Variants in CASS4 observed in about 807,000 individuals in gnomAD.
The protein encoded by CASS4 is Cas scaffold protein family member 4.
CASS4 carries 22 observed loss-of-function variants against 54.2 expected under a neutral mutation model. The ratio of observed to expected loss-of-function variants is 0.41; its 90% CI spans 0.29 to 0.58. CASS4 has a LOEUF of 0.58. Ranked by LOEUF, CASS4 falls within the 20% of genes least tolerant of loss-of-function variation. CASS4 has a pLI of 0.36. For missense variants in CASS4, 854 were observed against 986.7 expected, an observed-to-expected ratio of 0.87 and a Z score of 1.80; for synonymous variants, 409 against 391.5, an observed-to-expected ratio of 1.04 and a Z score of -0.53.
At chr20:56,457,875 C>T (rs1981372920) in intron 5 of CASS4, among the ~76,000 whole-genome samples, 1 of 151,904 alleles carries the variant, frequency 6.6e-6, no homozygotes, top group Non-Finnish European at 1.5e-5. Flanking sequence ...ATTAATTGGG[C>T]ATGGTGGCAG....
chr20:56,444,310 C>A (rs1199839210), intron 2 of CASS4, among the ~76,000 whole-genome samples: 1 of 152,120 alleles, frequency 6.6e-6, no homozygotes, highest in Admixed American at 6.5e-5. Context: ...CATATTGAAA[C>A]CCTAACATCC....
intron 1 of CASS4, among the ~76,000 whole-genome samples, chr20:56,435,810 G>T (rs1023159077): frequency 4.6e-5 from 7 of 152,090 alleles, no homozygotes; most frequent in African/African-American, 1.4e-4. Flanking sequence ...GAGTGCAGTG[G>T]CATGATCTCG....
At chr20:56,422,113 C>T (rs999069085) in intron 1 of CASS4, among the ~76,000 whole-genome samples, 1 of 152,186 alleles carries the variant, frequency 6.6e-6, no homozygotes, top group African/African-American at 2.4e-5. Flanking sequence ...AATTGTCAGC[C>T]CCTTGACTTG....
chr20:56,432,902 G>A (rs540611118), intron 1 of CASS4, among the ~76,000 whole-genome samples: 2,724 of 152,092 alleles, frequency 0.018, 95 homozygotes, highest in African/African-American at 0.063. Flanking sequence ...GGGCAGGGGC[G>A]TCACAGAAAT....
At position 56,451,032 on chromosome 20, in the gene CASS4, A is replaced by G. The variant is rs903958336; in HGVS notation, c.642+353A>G. Reference sequence around the variant, plus strand: ...AAAATACAAAAATTAAAAAAAAAAAAAAAGAAAGAAAGAAATGTTATTAGC... The same window carrying G: ...AAAATACAAAAATTAAAAAAAAAAAGAAAGAAAGAAAGAAATGTTATTAGC... On this transcript the variant is annotated intron_variant, in intron 4 of 5. Transcript: ENST00000679887. Among the ~76,000 whole-genome samples the G allele has an allele frequency of 5.3e-5, 8 of 151,880 alleles. No homozygotes were observed. In the East Asian group the frequency reaches 5.8e-4, roughly 11 times the overall value.
intron 1 of CASS4, among the ~76,000 whole-genome samples, chr20:56,436,758 G>A (rs6014729): frequency 0.15 from 22,244 of 151,950 alleles, 1,637 homozygotes; most frequent in East Asian, 0.16. Flanking sequence ...GTGGCGGCAC[G>A]CATGTGTAGT....
Position 56,419,599 on chromosome 20 carries a change from G to A in CASS4, c.36+7105G>A, listed in dbSNP as rs541383047. On this transcript the variant is annotated intron_variant, in intron 1 of 5. Coordinates refer to ENST00000679887, the MANE Select transcript of CASS4 (RefSeq NM_020356.4). ...GCACCACTGTGCCCGGCTAATTTTT[G>A]TATTTTTAGTAGAGGTGGGTTTTTT... 3.2e-3 allele frequency among the ~76,000 whole-genome samples: 481 copies of A among 152,176 alleles called. 4 individuals are homozygous for A. Among genetic ancestry groups the A allele is most frequent in the African/African-American group, 0.011 (455 of 41,550 alleles).
In CASS4 at chr20:56,417,344, C is replaced by T. The variant is rs186089155; in HGVS notation, c.36+4850C>T. On this transcript the variant is annotated intron_variant, in intron 1 of 5. Coordinates refer to ENST00000679887, the MANE Select transcript of CASS4 (RefSeq NM_020356.4). ...CCGAGCAGCTCTCCTGCCTCAGTTC[C>T]TTCCCCTTCTCCCCTGCTGTTCCCC... is the stretch of plus-strand genomic sequence containing the variant. Among the ~76,000 whole-genome samples the T allele has an allele frequency of 2.7e-3, 409 of 152,300 alleles. 1 individual carries two copies. The highest frequency in any genetic ancestry group is 6.1e-3 in the Admixed American group (94 of 15,306).
intron 1 of CASS4, among the ~76,000 whole-genome samples, chr20:56,419,206 G>C: frequency 6.6e-6 from 1 of 152,110 alleles, no homozygotes; most frequent in East Asian, 1.9e-4. Flanking sequence ...GTGGGAGGCT[G>C]GTAAGAGAGC....
At chr20:56,431,718 A>G (rs972243083) in intron 1 of CASS4, among the ~76,000 whole-genome samples, 3 of 152,214 alleles carry the variant, frequency 2.0e-5, no homozygotes, top group South Asian at 2.1e-4. Flanking sequence ...GCTGCATTCA[A>G]TCTGGACCCT....
intron 5 of CASS4, among the ~76,000 whole-genome samples, chr20:56,455,709 C>T (rs1042420315): frequency 2.0e-5 from 3 of 152,098 alleles, no homozygotes; most frequent in East Asian, 1.9e-4. Flanking sequence ...GCGGGTGGAT[C>T]GCCTGAGGTC....
Position 56,452,825 on chromosome 20 carries a change from A to T in CASS4, c.1649A>T (p.Asp550Val), listed in dbSNP as rs371141970. The stretch of plus-strand genomic sequence containing the variant: ...TGGCCTCTGGAAGTTCTTGTGACTG[A>T]CAGTGTCCAGAACAGCCCAGATGAC... ...RNWPLEVLVT[D>V]SVQNSPDDLE... The change falls in exon 5 of 6, where the codon GAC becomes GTC. Residue 550 changes from aspartate to valine, a missense_variant. Asp to Val is a radical substitution (Grantham distance 152). Coordinates refer to ENST00000679887, the MANE Select transcript of CASS4 (RefSeq NM_020356.4). 9 of 1,613,964 alleles carry T rather than the reference A, an allele frequency of 5.6e-6. No homozygotes were observed. Among genetic ancestry groups the T allele is most frequent in the Non-Finnish European group, 7.6e-6 (9 of 1,180,024 alleles).
At chr20:56,455,746 A>C (rs1338760449) in intron 5 of CASS4, among the ~76,000 whole-genome samples, 7 of 152,166 alleles carry the variant, frequency 4.6e-5, no homozygotes, top group Admixed American at 4.6e-4. Context: ...CCTGACCAAC[A>C]TGGTGAAACC....
intron 2 of CASS4, among the ~76,000 whole-genome samples, chr20:56,440,242 A>T (rs1980393424): frequency 1.3e-5 from 2 of 152,164 alleles, no homozygotes; most frequent in Non-Finnish European, 2.9e-5. Flanking sequence ...ACTGGCCCCG[A>T]TCTAGGCCTG....
At chr20:56,453,319 G>A in intron 5 of CASS4, 190 bp downstream of exon 5, 1 of 547,390 alleles carries the variant, frequency 1.8e-6, no homozygotes, top group Non-Finnish European at 3.2e-6. Context: ...ATAAAGATAG[G>A]TCAGCATAGG....
Position 56,451,976 on chromosome 20 carries a change from C to A in CASS4, c.800C>A (p.Ser267Ter). Residue 267 changes from serine (S) to a stop codon, truncating the protein, a stop_gained, in exon 5 of 6, where the codon TCA becomes TAA. Transcript: ENST00000679887. LOFTEE classifies it high-confidence loss of function. ...CCTCTCACCAGCTTTGCGGAAGAAT[C>A]AAGGCCCCACGCTCTCCCCAGTTCC... ...NTPLTSFAEE[S>*]RPHALPSSSS... The A allele has an allele frequency of 6.2e-7, 1 of 1,614,226 alleles. No individual in the cohort carries two copies. Among genetic ancestry groups the A allele is most frequent in the Non-Finnish European group, 8.5e-7 (1 of 1,180,044 alleles).
chr20:56,440,769 G>A lies in CASS4; in HGVS notation c.459+3183G>A, dbSNP rs6092314. 6.4e-4 allele frequency among the ~76,000 whole-genome samples: 97 copies of A among 152,222 alleles called. 2 individuals carry two copies. In the South Asian group the frequency reaches 0.019, roughly 31 times the overall value. ...ATGTTAAGTGCATCAACCATTTGAGGCCTTGCTTGTGCAGGCTGTGGCAAA... is the reference window on the plus strand; with the variant it reads ...ATGTTAAGTGCATCAACCATTTGAGACCTTGCTTGTGCAGGCTGTGGCAAA... On this transcript the variant is annotated intron_variant, in intron 2 of 5. Coordinates refer to ENST00000679887, the MANE Select transcript of CASS4 (RefSeq NM_020356.4).
chr20:56,424,406 T>C (rs1256107344), intron 1 of CASS4, among the ~76,000 whole-genome samples: 1 of 152,154 alleles, frequency 6.6e-6, no homozygotes, highest in African/African-American at 2.4e-5. Context: ...TAAATATTGA[T>C]ATGGAAAGCC....
rs2146281842 is a variant in CASS4 at position 56,437,647 on chromosome 20, A to G, written c.459+61A>G. On this transcript the variant is annotated intron_variant, in intron 2 of 5. Coordinates refer to ENST00000679887, the MANE Select transcript of CASS4 (RefSeq NM_020356.4). The surrounding 1 kb of genome is among the most constrained non-coding windows in gnomAD (Gnocchi z 4.7). ...GGGTATGGAAACACCCAGAGGCCTAACTACCTCTTGAGGCATGGGTGTCCT... is the reference window on the plus strand; with the variant it reads ...GGGTATGGAAACACCCAGAGGCCTAGCTACCTCTTGAGGCATGGGTGTCCT... 7.1e-7 allele frequency: 1 copy of G among 1,415,196 alleles called. No individual in the cohort carries two copies. Among genetic ancestry groups the G allele is most frequent in the South Asian group, 1.4e-5 (1 of 69,784 alleles). The allele number at this position is 1,415,196 out of a possible 1,614,324, so 87.7% of individuals were successfully genotyped here.
Sources: allele counts gnomAD v4.1 joint callset (sites outside exome capture counted in the v4.1 genomes callset), GRCh38; gene constraint gnomAD v4.1.1; non-coding constraint Gnocchi (gnomAD v3.1); transcripts MANE v1.5; gene names NCBI Gene and HGNC (gene_info 2026-07-23, HGNC 2026-07-21).